TESK2: variants seen among roughly 807,000 people sequenced by gnomAD.
TESK2 encodes testis associated actin remodelling kinase 2.
A neutral mutation model predicts 57.1 loss-of-function variants in TESK2; 39 were observed. The observed-to-expected ratio is 0.68, with a 90% CI of 0.53 to 0.89. TESK2 has a LOEUF of 0.89. Ranked by LOEUF, TESK2 falls within the 40% of genes least tolerant of loss-of-function variation. The pLI is 0.00. For synonymous variants in TESK2, 249 were observed against 267.9 expected (o/e 0.93, Z 0.69); for missense variants, 646 against 732.1 (o/e 0.88, Z 1.36).
intron 3 of TESK2, among the ~76,000 whole-genome samples, chr1:45,414,763 A>G (rs1650171834): frequency 1.3e-5 from 2 of 152,194 alleles, no homozygotes; most frequent in Non-Finnish European, 2.9e-5. Flanking sequence ...AAGCAATCCA[A>G]ATAAAATTTT....
At chr1:45,372,445 G>A (rs1383645646) in intron 4 of TESK2, among the ~76,000 whole-genome samples, 2 of 151,980 alleles carry the variant, frequency 1.3e-5, no homozygotes, top group African/African-American at 4.8e-5. Context: ...CGGGTGTGGT[G>A]GTGCATGCCT....
At chr1:45,443,924 A>T (rs1350711395) in intron 2 of TESK2, among the ~76,000 whole-genome samples, 1 of 152,160 alleles carries the variant, frequency 6.6e-6, no homozygotes, top group African/African-American at 2.4e-5. Flanking sequence ...CATGCCCGTA[A>T]TCTCAATGCT....
intron 3 of TESK2, among the ~76,000 whole-genome samples, chr1:45,394,323 C>CTTTTT (rs35459050): frequency 3.5e-5 from 4 of 115,122 alleles, no homozygotes; most frequent in Admixed American, 9.0e-5. Flanking sequence ...CCACAGCTGG[C>CTTTTT]TTTTTTTTTT....
At chr1:45,400,457 C>T (rs569205442) in intron 3 of TESK2, among the ~76,000 whole-genome samples, 3 of 152,200 alleles carry the variant, frequency 2.0e-5, no homozygotes, top group East Asian at 1.9e-4. Flanking sequence ...TGTGGTAATT[C>T]GTTATGATAG....
chr1:45,354,339 A>G (rs1557539914), intron 5 of TESK2, among the ~76,000 whole-genome samples: 1 of 152,070 alleles, frequency 6.6e-6, no homozygotes. Flanking sequence ...AAAATACAAA[A>G]GAAAGGCTGG....
At chr1:45,489,000 A>C (rs1653602139) in intron 1 of TESK2, among the ~76,000 whole-genome samples, 1 of 151,964 alleles carries the variant, frequency 6.6e-6, no homozygotes, top group African/African-American at 2.4e-5. Context: ...CCGTCTCTAC[A>C]AAAAATACAA....
chr1:45,386,932 G>A (rs768586555), intron 3 of TESK2, among the ~76,000 whole-genome samples: 4 of 152,090 alleles, frequency 2.6e-5, no homozygotes, highest in South Asian at 2.1e-4. Flanking sequence ...GATTACAGGC[G>A]TGAGCCACCG....
At chr1:45,359,229 A>G (rs1485563806) in intron 4 of TESK2, among the ~76,000 whole-genome samples, 1 of 152,204 alleles carries the variant, frequency 6.6e-6, no homozygotes, top group Non-Finnish European at 1.5e-5. Context: ...TCCCTGATTC[A>G]CCTAATTTGC....
intron 3 of TESK2, among the ~76,000 whole-genome samples, chr1:45,395,973 T>G (rs72892526): frequency 0.011 from 1,739 of 152,212 alleles, 31 homozygotes; most frequent in African/African-American, 0.039. Context: ...TTATGGTTTG[T>G]TTTGTTTTGT....
At chr1:45,405,520 A>G (rs1649803976) in intron 3 of TESK2, among the ~76,000 whole-genome samples, 1 of 151,418 alleles carries the variant, frequency 6.6e-6, no homozygotes, top group African/African-American at 2.4e-5. Flanking sequence ...GGCCAGGTGC[A>G]ATGGCTTACA....
intron 3 of TESK2, chr1:45,399,005 A>C (rs1193655287): frequency 2.1e-5 from 9 of 435,218 alleles, no homozygotes; most frequent in South Asian, 1.0e-4. Context: ...AAAAAAAAAA[A>C]AACAAGCCTT....
chr1:45,345,183 G>C lies in TESK2; in HGVS notation c.1373C>G (p.Pro458Arg). ...APPIRRWRSLPGSPEFLHQEA... is the reference protein window; with the variant it reads ...APPIRRWRSLRGSPEFLHQEA... The stretch of plus-strand genomic sequence containing the variant: ...TTGATGCAAGAACTCAGGCGAACCA[G>C]GCAAGGAACGCCACCGGCGAATAGG... The change falls in exon 11 of 11, where the codon CCT becomes CGT. Residue 458 changes from proline (P) to arginine (R), a missense_variant. Coordinates refer to ENST00000372086, the MANE Select transcript of TESK2 (RefSeq NM_007170.3). 1.2e-6 allele frequency: 2 copies of C among 1,614,194 alleles called. No homozygotes were observed. Among genetic ancestry groups the C allele is most frequent in the Non-Finnish European group, 1.7e-6 (2 of 1,180,036 alleles).
intron 4 of TESK2, among the ~76,000 whole-genome samples, chr1:45,360,886 C>T (rs1052112581): frequency 2.0e-5 from 3 of 152,190 alleles, no homozygotes; most frequent in South Asian, 2.1e-4. Flanking sequence ...GGCGCCATCT[C>T]GGCTCACTGC....
intron 1 of TESK2, among the ~76,000 whole-genome samples, chr1:45,468,342 C>A (rs1458993640): frequency 1.3e-5 from 2 of 152,144 alleles, no homozygotes; most frequent in African/African-American, 4.8e-5. Flanking sequence ...TAGAGAAGTG[C>A]TGAGCAAGAG....
rs1557552105 is a variant in TESK2 at position 45,385,916 on chromosome 1, G to C, written c.389C>G (p.Thr130Arg). 2 of 1,605,540 alleles carry C rather than the reference G, an allele frequency of 1.2e-6. No homozygotes were observed. The highest frequency in any genetic ancestry group is 1.7e-6 in the Non-Finnish European group (2 of 1,174,922). Residue 130 changes from threonine (T) to arginine (R), a missense_variant, in exon 4 of 11, where the codon ACA becomes AGA. Thr to Arg is a moderately conservative substitution (Grantham distance 71, BLOSUM62 -1). Transcript: ENST00000372086. ...CVHQGQLHAL[T>R]EYINSGNLEQ... ...CAACACTTACTGATGTCTTACCTCT[G>C]TAAGTGCATGCAATTGTCCTTGATG...
chr1:45,469,365 A>C (rs758823024), intron 1 of TESK2, among the ~76,000 whole-genome samples: 2 of 152,204 alleles, frequency 1.3e-5, no homozygotes, highest in Non-Finnish European at 2.9e-5. Flanking sequence ...CATTCTACCA[A>C]GGGTTTTGTA....
intron 1 of TESK2, among the ~76,000 whole-genome samples, chr1:45,466,205 G>A (rs1652545213): frequency 2.0e-5 from 3 of 151,994 alleles, no homozygotes; most frequent in South Asian, 4.2e-4. Context: ...GACCAGGCGC[G>A]GTGGCTCACA....
intron 1 of TESK2, among the ~76,000 whole-genome samples, chr1:45,461,941 C>T (rs998114512): frequency 3.3e-5 from 5 of 152,186 alleles, no homozygotes; most frequent in Non-Finnish European, 7.3e-5. Context: ...ACATTCCAAT[C>T]GTACTCTCCC....
In TESK2 at chr1:45,477,104, C is replaced by T. The variant is rs543224963; in HGVS notation, c.-87+13748G>A. 6.0e-5 allele frequency among the ~76,000 whole-genome samples: 9 copies of T among 149,418 alleles called. No individual in the cohort carries two copies. The South Asian group carries it at 1.7e-3, about 28-fold the overall frequency. ...ATTAGCCAGGCGCGGTGGCACATGCCTGTAATTCCAGCTACTGAGGAGCCT... is the reference window on the plus strand; with the variant it reads ...ATTAGCCAGGCGCGGTGGCACATGCTTGTAATTCCAGCTACTGAGGAGCCT... On this transcript the variant is annotated intron_variant, in intron 1 of 10. Transcript: ENST00000372086.
Sources: allele counts gnomAD v4.1 joint callset (sites outside exome capture counted in the v4.1 genomes callset), GRCh38; gene constraint gnomAD v4.1.1; transcripts MANE v1.5; gene names NCBI Gene and HGNC (gene_info 2026-07-23, HGNC 2026-07-21).